Variants in GRID2 observed in about 807,000 individuals in gnomAD.
The protein encoded by GRID2 is glutamate ionotropic receptor delta type subunit 2.
GRID2 carries 33 observed loss-of-function variants against 114.8 expected under a neutral mutation model. That is an observed-to-expected ratio of 0.29 (90% CI 0.22 to 0.38). The LOEUF (loss-of-function observed/expected upper bound fraction) is 0.38, where lower values mean the gene tolerates loss of function less well. GRID2 is among the 10% of genes least tolerant of loss of function. The pLI, the probability that GRID2 is intolerant of heterozygous loss-of-function variation, is 1.00. For synonymous variants in GRID2, 505 were observed against 449.9 expected (o/e 1.12, Z -1.55); for missense variants, 1,184 against 1,257.7 (o/e 0.94, Z 0.89).
At chr4:93,688,476 C>G (rs1042489130) in intron 14 of GRID2, among the ~76,000 whole-genome samples, 1 of 151,868 alleles carries the variant, frequency 6.6e-6, no homozygotes, top group Non-Finnish European at 1.5e-5. Context: ...CCTTATTTTT[C>G]AAAAGGTAAA....
rs138626845 is a variant in GRID2 at position 93,709,784 on chromosome 4, T to A, written c.2361-59426T>A. Among the ~76,000 whole-genome samples the A allele has an allele frequency of 5.4e-3, 815 of 152,310 alleles. 7 individuals carry two copies. The highest frequency in any genetic ancestry group is 0.019 in the African/African-American group (772 of 41,582). On this transcript the variant is annotated intron_variant, in intron 14 of 15. Coordinates refer to ENST00000282020, the MANE Select transcript of GRID2 (RefSeq NM_001510.4). ...TCATTCTTTTTTCTTTTATCTCTTCTGACTGTATGTTTAAATAGTCTATCT... is the reference window on the plus strand; with the variant it reads ...TCATTCTTTTTTCTTTTATCTCTTCAGACTGTATGTTTAAATAGTCTATCT...
intron 1 of GRID2, among the ~76,000 whole-genome samples, chr4:92,440,940 G>C (rs1425392678): frequency 6.6e-6 from 1 of 152,112 alleles, no homozygotes; most frequent in South Asian, 2.1e-4. Flanking sequence ...ATATGAATCA[G>C]GTATGAGGAA....
chr4:93,336,132 AT>A (rs1759064597), intron 8 of GRID2, among the ~76,000 whole-genome samples: 1 of 152,188 alleles, frequency 6.6e-6, no homozygotes, highest in Admixed American at 6.5e-5. Flanking sequence ...TGAAAATAAA[AT>A]TGTAGATACA....
At chr4:93,720,713 T>G (rs1313697119) in intron 14 of GRID2, among the ~76,000 whole-genome samples, 1 of 152,152 alleles carries the variant, frequency 6.6e-6, no homozygotes, top group African/African-American at 2.4e-5. Context: ...CTTTTTTCCA[T>G]CAAGTCAAAA....
intron 2 of GRID2, among the ~76,000 whole-genome samples, chr4:92,963,386 T>TG (rs1366587935): frequency 6.6e-6 from 1 of 152,052 alleles, no homozygotes; most frequent in African/African-American, 2.4e-5. Context: ...ACTAGGTTTA[T>TG]GTAATATTCG....
At chr4:93,304,433 T>C (rs1579608137) in intron 8 of GRID2, among the ~76,000 whole-genome samples, 1 of 151,746 alleles carries the variant, frequency 6.6e-6, no homozygotes. Flanking sequence ...GGTGCTTTTT[T>C]CCCCCCTTAG....
intron 14 of GRID2, among the ~76,000 whole-genome samples, chr4:93,660,238 A>G (rs1310506305): frequency 6.6e-6 from 1 of 152,154 alleles, no homozygotes; most frequent in Non-Finnish European, 1.5e-5. Context: ...AACAGCTCCT[A>G]TACATGTAAA....
At chr4:92,597,472 C>T (rs1729010712) in intron 2 of GRID2, among the ~76,000 whole-genome samples, 1 of 152,098 alleles carries the variant, frequency 6.6e-6, no homozygotes, top group Non-Finnish European at 1.5e-5. Context: ...ACCTCACTAT[C>T]TACAATTGTG....
At chr4:92,437,402 C>T (rs1732786786) in intron 1 of GRID2, among the ~76,000 whole-genome samples, 1 of 152,144 alleles carries the variant, frequency 6.6e-6, no homozygotes, top group African/African-American at 2.4e-5. Flanking sequence ...GTCTTGGCCT[C>T]CCATGAAGCT....
At chr4:93,578,235 C>T (rs570693451) in intron 13 of GRID2, among the ~76,000 whole-genome samples, 2 of 152,270 alleles carry the variant, frequency 1.3e-5, no homozygotes, top group African/African-American at 4.8e-5. Context: ...ACTTAGAGAG[C>T]ATTCCCAATT....
At chr4:93,378,295 T>C (rs1281281671) in intron 8 of GRID2, among the ~76,000 whole-genome samples, 4 of 152,104 alleles carry the variant, frequency 2.6e-5, no homozygotes, top group African/African-American at 9.6e-5. Context: ...CCACATAAAG[T>C]AATGCAGCTA....
In GRID2 at chr4:92,962,690, C is replaced by G. The variant is rs1015914045; in HGVS notation, c.245-122305C>G. ...GGATTTTTTTTTCCTCTAATATTCA[C>G]TGTGGGAATCTAGTTCCTCAAGGCA... On this transcript the variant is annotated intron_variant, in intron 2 of 15. Coordinates refer to ENST00000282020, the MANE Select transcript of GRID2 (RefSeq NM_001510.4). Among the ~76,000 whole-genome samples, 21 of 152,022 alleles carry G rather than the reference C, an allele frequency of 1.4e-4. 1 individual carries two copies. The highest frequency in any genetic ancestry group is 8.5e-4 in the Admixed American group (13 of 15,226).
At chr4:93,631,933 T>C (rs1720934839) in intron 14 of GRID2, among the ~76,000 whole-genome samples, 1 of 152,200 alleles carries the variant, frequency 6.6e-6, no homozygotes, top group Non-Finnish European at 1.5e-5. Flanking sequence ...TGGTATCTCG[T>C]TGTAGTTTTG....
chr4:93,439,872 G>A (rs1008637759), intron 10 of GRID2, among the ~76,000 whole-genome samples: 1 of 152,000 alleles, frequency 6.6e-6, no homozygotes, highest in Non-Finnish European at 1.5e-5. Flanking sequence ...CCATAAAGTC[G>A]AGCCTATCTC....
At chr4:92,579,907 GTC>G (rs1299705874) in intron 1 of GRID2, among the ~76,000 whole-genome samples, 1 of 147,520 alleles carries the variant, frequency 6.8e-6, no homozygotes, top group Non-Finnish European at 1.5e-5. Context: ...ATGAAACTGA[GTC>G]TATTATACTA....
At chr4:93,246,188 T>C (rs956347805) in intron 8 of GRID2, among the ~76,000 whole-genome samples, 2 of 152,164 alleles carry the variant, frequency 1.3e-5, no homozygotes, top group African/African-American at 4.8e-5. Flanking sequence ...CCAGTCTTTA[T>C]AGTTTAAGCC....
intron 13 of GRID2, among the ~76,000 whole-genome samples, chr4:93,615,679 C>A (rs1318534016): frequency 3.4e-5 from 5 of 147,618 alleles, no homozygotes; most frequent in Admixed American, 6.8e-5. Context: ...TTCTGTGTAA[C>A]TTGGCTACCT....
At position 92,649,420 on chromosome 4, in the gene GRID2, CT is replaced by C. The variant is rs942617703; in HGVS notation, c.244+59144del. On this transcript the variant is annotated intron_variant, in intron 2 of 15. Coordinates refer to ENST00000282020, the MANE Select transcript of GRID2 (RefSeq NM_001510.4). ...ATGATAGAATTTGCCCTTCTTCTGCCTTTTTTTTTTCTTTTCAGACCCTCAA... is the reference window on the plus strand; with the variant it reads ...ATGATAGAATTTGCCCTTCTTCTGCCTTTTTTTTTCTTTTCAGACCCTCAA... 1.7e-3 allele frequency among the ~76,000 whole-genome samples: 253 copies of C among 146,874 alleles called. 3 individuals carry two copies. Among genetic ancestry groups the C allele is most frequent in the African/African-American group, 5.8e-3 (232 of 40,060 alleles).
intron 1 of GRID2, among the ~76,000 whole-genome samples, chr4:92,422,830 A>G (rs1380409369): frequency 6.6e-6 from 1 of 152,140 alleles, no homozygotes; most frequent in Non-Finnish European, 1.5e-5. Context: ...GGCAAGAAAG[A>G]GATTTGTTTT....
Sources: allele counts gnomAD v4.1 joint callset (sites outside exome capture counted in the v4.1 genomes callset), GRCh38; gene constraint gnomAD v4.1.1; transcripts MANE v1.5; gene names NCBI Gene and HGNC (gene_info 2026-07-23, HGNC 2026-07-21).